Variants in SRGAP2C observed in about 807,000 individuals in gnomAD.
The protein encoded by SRGAP2C is SLIT-ROBO Rho GTPase-activating protein 2C.
SRGAP2C carries 15 observed loss-of-function variants against 25.1 expected under a neutral mutation model. The ratio of observed to expected loss-of-function variants is 0.60; its 90% CI spans 0.40 to 0.92. The LOEUF (loss-of-function observed/expected upper bound fraction) is 0.92. Among genes scored for constraint, SRGAP2C ranks in the 40% least tolerant of loss-of-function variants. The pLI is 0.00. For synonymous variants in SRGAP2C, 44 were observed against 96.6 expected, an observed-to-expected ratio of 0.46 and a Z score of 3.19; for missense variants, 144 against 264.4, an observed-to-expected ratio of 0.54 and a Z score of 3.16.
intron 2 of SRGAP2C, among the ~76,000 whole-genome samples, chr1:121,272,427 C>T (rs1397523409): frequency 2.0e-5 from 3 of 151,608 alleles, no homozygotes; most frequent in Admixed American, 6.6e-5. Flanking sequence ...TGCGGCCTCT[C>T]CAGTGGATAG....
intron 3 of SRGAP2C, among the ~76,000 whole-genome samples, chr1:121,322,743 T>C (rs1318344783): frequency 6.7e-6 from 1 of 149,562 alleles, no homozygotes; most frequent in Non-Finnish European, 1.5e-5. Context: ...CAAGTAAGTA[T>C]GGCATGATTA....
chr1:121,262,975 A>AC (rs1656662607), intron 2 of SRGAP2C, among the ~76,000 whole-genome samples: 1 of 151,546 alleles, frequency 6.6e-6, no homozygotes, highest in Non-Finnish European at 1.5e-5. Flanking sequence ...CATAATACAC[A>AC]CCTGCCCAGG....
At chr1:121,348,733 A>G (rs1658816871) in intron 4 of SRGAP2C, among the ~76,000 whole-genome samples, 1 of 147,144 alleles carries the variant, frequency 6.8e-6, no homozygotes, top group Non-Finnish European at 1.5e-5. Context: ...GAAGGAGTTT[A>G]TGAGTTCAAT....
chr1:121,322,832 C>G (rs1553341276), intron 3 of SRGAP2C, among the ~76,000 whole-genome samples: 5 of 151,910 alleles, frequency 3.3e-5, no homozygotes, highest in African/African-American at 9.7e-5. Context: ...AAGTGCCTGG[C>G]CTTTAGTGCT....
At chr1:121,257,411 GC>G (rs1656498809) in intron 2 of SRGAP2C, among the ~76,000 whole-genome samples, 1 of 141,396 alleles carries the variant, frequency 7.1e-6, no homozygotes, top group African/African-American at 2.6e-5. Context: ...ACCATGCCAG[GC>G]CCCATTGCCT....
chr1:121,208,380 CT>C lies in SRGAP2C; in HGVS notation c.67+20869del, dbSNP rs1655169194. Among the ~76,000 whole-genome samples, 43 of 151,684 alleles carry C rather than the reference CT, an allele frequency of 2.8e-4. 2 individuals carry two copies. In the South Asian group the frequency reaches 9.0e-3, roughly 32 times the overall value. ...TTGGGCGAGATAGATGAACACGCAC[CT>C]TCCTCCTTCTTAGAAACAAAACAGT... is the stretch of plus-strand genomic sequence containing the variant. On this transcript the variant is annotated intron_variant, in intron 2 of 9. Coordinates refer to ENST00000367123, the MANE Select transcript of SRGAP2C (RefSeq NM_001329984.2).
At chr1:121,354,262 CT>C (rs1658994957) in intron 4 of SRGAP2C, among the ~76,000 whole-genome samples, 1 of 2,692 alleles carries the variant, frequency 3.7e-4, no homozygotes, top group Non-Finnish European at 9.4e-4. Context: ...TTTCTCTCTC[CT>C]TTCTTTCTTT....
chr1:121,273,640 C>T (rs1437202397), intron 2 of SRGAP2C, among the ~76,000 whole-genome samples: 2 of 151,544 alleles, frequency 1.3e-5, no homozygotes, highest in African/African-American at 4.8e-5. Context: ...AGGATGATTG[C>T]TTGGTCTTGT....
At position 121,238,019 on chromosome 1, in the gene SRGAP2C, A is replaced by G. The variant is rs1220081564; in HGVS notation, c.68-46784A>G. On this transcript the variant is annotated intron_variant, in intron 2 of 9. Transcript: ENST00000367123. ...ATGTAGACACTTGGAATACATGGAG[A>G]ATCCCTAAGTTGCATTTTAGCCTTC... Among the ~76,000 whole-genome samples the G allele has an allele frequency of 1.5e-4, 13 of 83,926 alleles. 4 individuals are homozygous for G. The highest frequency in any genetic ancestry group is 2.2e-4 in the Non-Finnish European group (9 of 41,146). 55.1% of individuals were successfully genotyped at this position (83,926 alleles called of 152,430 possible).
At chr1:121,348,518 CA>C (rs1658810725) in intron 4 of SRGAP2C, among the ~76,000 whole-genome samples, 3 of 151,966 alleles carry the variant, frequency 2.0e-5, no homozygotes, top group Non-Finnish European at 4.4e-5. Flanking sequence ...CTCTTTTTAA[CA>C]GATGGAATCA....
chr1:121,346,877 G>C (rs1658757920), intron 4 of SRGAP2C, among the ~76,000 whole-genome samples: 1 of 151,744 alleles, frequency 6.6e-6, no homozygotes, highest in East Asian at 2.0e-4. Flanking sequence ...CAGCTCCTAA[G>C]ATAGATTGTC....
At chr1:121,207,492 G>A (rs1156765540) in intron 2 of SRGAP2C, among the ~76,000 whole-genome samples, 4 of 152,000 alleles carry the variant, frequency 2.6e-5, no homozygotes, top group Non-Finnish European at 4.4e-5. Flanking sequence ...GGCAGCCTGG[G>A]GAGTGTGGGA....
chr1:121,308,090 T>TG (rs1319465963), intron 3 of SRGAP2C, among the ~76,000 whole-genome samples: 1 of 150,088 alleles, frequency 6.7e-6, no homozygotes, highest in African/African-American at 2.5e-5. Flanking sequence ...CTCTGCGCTC[T>TG]GGGGCTCTGA....
rs782547437 is a variant in SRGAP2C at position 121,374,843 on chromosome 1, G to A, written c.720G>A (p.Thr240=). 193 of 774,224 alleles carry A rather than the reference G, an allele frequency of 2.5e-4. No homozygotes were observed. Among genetic ancestry groups the A allele is most frequent in the African/African-American group, 1.4e-3 (80 of 59,034 alleles). 48.0% of individuals were successfully genotyped at this position (774,224 alleles called of 1,614,324 possible). A position where few individuals can be genotyped will look rare whatever the true frequency, so the allele number is the denominator to read the frequency against. The change falls in exon 7 of 10, where the codon ACG becomes ACA. Residue 240 remains threonine (T), a synonymous_variant. Transcript: ENST00000367123. ...KMKEKHQAKY[T]ENKLKAIKAQ... is the part of the protein sequence containing the mutation. The stretch of plus-strand genomic sequence containing the variant: ...CTTTTCAGCACCAAGCCAAGTACAC[G>A]GAGAATAAGCTGAAGGCCATCAAAG...
In SRGAP2C at chr1:121,225,632, A is replaced by G. The variant is rs1553326405; in HGVS notation, c.67+38119A>G. On this transcript the variant is annotated intron_variant, in intron 2 of 9. Transcript: ENST00000367123. ...ATGATCTGTATTTTGAACTTTCTTG[A>G]CTTAGTATAGTATTATACATCCAGC... Among the ~76,000 whole-genome samples, 5 of 138,190 alleles carry G rather than the reference A, an allele frequency of 3.6e-5. No individual in the cohort carries two copies. The South Asian group carries it at 9.4e-4, about 26-fold the overall frequency. 90.7% of individuals were successfully genotyped at this position (138,190 alleles called of 152,430 possible).
At chr1:121,212,462 G>A (rs1327967950) in intron 2 of SRGAP2C, among the ~76,000 whole-genome samples, 1 of 151,954 alleles carries the variant, frequency 6.6e-6, no homozygotes, top group Admixed American at 6.6e-5. Flanking sequence ...GGACTTAAAA[G>A]GAGCATTTGC....
At chr1:121,282,494 G>A (rs1461685371) in intron 2 of SRGAP2C, among the ~76,000 whole-genome samples, 1 of 150,382 alleles carries the variant, frequency 6.6e-6, no homozygotes, top group Non-Finnish European at 1.5e-5. Flanking sequence ...CATATCCCCT[G>A]TACATCTGTT....
intron 2 of SRGAP2C, among the ~76,000 whole-genome samples, chr1:121,190,125 C>A (rs1369206014): frequency 6.6e-6 from 1 of 152,166 alleles, no homozygotes. Context: ...AATTTGGAGA[C>A]AAAGGGCCTG....
At chr1:121,335,694 C>T in intron 4 of SRGAP2C, among the ~76,000 whole-genome samples, 1 of 150,398 alleles carries the variant, frequency 6.6e-6, no homozygotes, top group Non-Finnish European at 1.5e-5. Flanking sequence ...CTCAAATGAT[C>T]CTTCCCCTTC....
Sources: gnomAD v4.1 joint callset for allele counts (sites outside exome capture counted in the v4.1 genomes callset) on GRCh38, gnomAD v4.1.1 for gene constraint, MANE v1.5 for transcripts, NCBI Gene and HGNC (gene_info 2026-07-23, HGNC 2026-07-21) for gene names.